Variants in GRID2 observed in about 807,000 individuals in gnomAD.
The protein encoded by GRID2 is glutamate receptor ionotropic, delta-2.
A neutral mutation model predicts 114.8 loss-of-function variants in GRID2; 33 were observed. That is an observed-to-expected ratio of 0.29 (90% CI 0.22 to 0.38). The LOEUF is 0.38. Among genes scored for constraint, GRID2 ranks in the 10% least tolerant of loss-of-function variants. The probability of loss-of-function intolerance (pLI) is 1.00; values close to 1 mark genes in which losing one functional copy is unlikely to be tolerated. For missense variants in GRID2, 1,184 were observed against 1,257.7 expected (o/e 0.94, Z 0.89); for synonymous variants, 505 against 449.9 (o/e 1.12, Z -1.55).
chr4:92,901,667 T>C (rs1361700510), intron 2 of GRID2, among the ~76,000 whole-genome samples: 2 of 152,220 alleles, frequency 1.3e-5, no homozygotes, highest in East Asian at 3.8e-4. Flanking sequence ...TCACATTTAT[T>C]GATTTGTATA....
chr4:92,380,152 CT>C (rs145161440), intron 1 of GRID2, among the ~76,000 whole-genome samples: 4,647 of 150,898 alleles, frequency 0.031, 229 homozygotes, highest in African/African-American at 0.11. Context: ...AGCATTTTTA[CT>C]TTTTTTTTGT....
At chr4:93,001,056 T>A (rs992631647) in intron 2 of GRID2, among the ~76,000 whole-genome samples, 1 of 151,674 alleles carries the variant, frequency 6.6e-6, no homozygotes, top group South Asian at 2.1e-4. Context: ...ATGATTTTGC[T>A]AGTAATTAAA....
chr4:93,608,296 C>CTTTTTTTTTTTTTTATTTTTTTTT (rs774334616), intron 13 of GRID2, among the ~76,000 whole-genome samples: 2 of 117,012 alleles, frequency 1.7e-5, no homozygotes, highest in Non-Finnish European at 3.4e-5. Context: ...ATTTTTTTTT[C>CTTTTTTTTTTTTTTATTTTTTTTT]TTTTTTTTTT....
At chr4:92,726,605 T>C (rs913879063) in intron 2 of GRID2, among the ~76,000 whole-genome samples, 1 of 152,076 alleles carries the variant, frequency 6.6e-6, no homozygotes, top group Non-Finnish European at 1.5e-5. Context: ...TTTGAAGCTG[T>C]AGTGAAAAAA....
chr4:92,743,464 AAGAC>A (rs573785955), intron 2 of GRID2, among the ~76,000 whole-genome samples: 63 of 152,334 alleles, frequency 4.1e-4, no homozygotes, highest in Admixed American at 1.4e-3. Flanking sequence ...TAAATTTAGA[AAGAC>A]AGAGTTGACA....
chr4:92,983,836 G>A (rs1466778136), intron 2 of GRID2, among the ~76,000 whole-genome samples: 1 of 152,070 alleles, frequency 6.6e-6, no homozygotes, highest in Non-Finnish European at 1.5e-5. Context: ...TTTACTGTCA[G>A]AACTCTGTAT....
chr4:93,693,946 G>A (rs1726789238), intron 14 of GRID2, among the ~76,000 whole-genome samples: 1 of 152,078 alleles, frequency 6.6e-6, no homozygotes, highest in Non-Finnish European at 1.5e-5. Context: ...AATCAAGACA[G>A]GAAATGTGAT....
chr4:92,885,951 T>C (rs2149463163), intron 2 of GRID2, among the ~76,000 whole-genome samples: 1 of 152,312 alleles, frequency 6.6e-6, no homozygotes, highest in South Asian at 2.1e-4. Flanking sequence ...TATTTCTTTG[T>C]TTTTTAAGAA....
intron 2 of GRID2, among the ~76,000 whole-genome samples, chr4:92,919,515 T>A (rs1157091118): frequency 3.3e-5 from 5 of 152,244 alleles, no homozygotes; most frequent in African/African-American, 9.6e-5. Context: ...CTCTACACAC[T>A]GCTTTGAATG....
chr4:92,999,292 A>C (rs2149214831), intron 2 of GRID2, among the ~76,000 whole-genome samples: 1 of 151,890 alleles, frequency 6.6e-6, no homozygotes, highest in East Asian at 1.9e-4. Context: ...TTTATTAATT[A>C]ATTTATCAAA....
At chr4:92,745,637 T>G (rs1391421182) in intron 2 of GRID2, among the ~76,000 whole-genome samples, 1 of 152,130 alleles carries the variant, frequency 6.6e-6, no homozygotes, top group Non-Finnish European at 1.5e-5. Flanking sequence ...TTAGTTTAAT[T>G]TTTTTCAGTA....
chr4:93,794,878 T>G (rs1410456353), intron 1 of GRID2, among the ~76,000 whole-genome samples: 1 of 152,188 alleles, frequency 6.6e-6, no homozygotes. Flanking sequence ...ATGAAAAGAT[T>G]GTGAGAGGCA....
At chr4:93,608,970 C>T (rs1271158513) in intron 13 of GRID2, among the ~76,000 whole-genome samples, 2 of 119,744 alleles carry the variant, frequency 1.7e-5, no homozygotes, top group Admixed American at 8.3e-5. Context: ...CTCTCCAGCA[C>T]CTGTTGTTTC....
At chr4:92,653,517 T>C (rs1732078328) in intron 2 of GRID2, among the ~76,000 whole-genome samples, 1 of 151,990 alleles carries the variant, frequency 6.6e-6, no homozygotes, top group African/African-American at 2.4e-5. Context: ...CCCTATTATC[T>C]TGGGCACATT....
chr4:93,244,529 T>C lies in GRID2; in HGVS notation c.1245+6039T>C, dbSNP rs528941891. ...TTATATAATCTATTAATTAATAGAT[T>C]ATATAATCTATTAATTAATAGATTA... On this transcript the variant is annotated intron_variant, in intron 8 of 15. Transcript: ENST00000282020. Among the ~76,000 whole-genome samples, 18 of 26,958 alleles carry C rather than the reference T, an allele frequency of 6.7e-4. 1 individual carries two copies. Among genetic ancestry groups the C allele is most frequent in the African/African-American group, 4.0e-3 (17 of 4,240 alleles). The allele number at this position is 26,958 out of a possible 152,430, so 17.7% of individuals were successfully genotyped here.
intron 2 of GRID2, among the ~76,000 whole-genome samples, chr4:92,983,505 A>C (rs1734567225): frequency 6.6e-6 from 1 of 152,132 alleles, no homozygotes; most frequent in African/African-American, 2.4e-5. Context: ...ATGCATTTAC[A>C]TCATTTGACA....
chr4:93,783,865 G>T (rs1355173122), intron 1 of GRID2, among the ~76,000 whole-genome samples: 1 of 151,638 alleles, frequency 6.6e-6, no homozygotes, highest in Non-Finnish European at 1.5e-5. Flanking sequence ...GAGGTCAGGA[G>T]ATCGAGACCA....
At chr4:92,797,657 A>G (rs78085652) in intron 2 of GRID2, among the ~76,000 whole-genome samples, 3,476 of 152,028 alleles carry the variant, frequency 0.023, 97 homozygotes, top group East Asian at 0.12. Context: ...GTATCTTTAT[A>G]TTTTATGCAT....
intron 2 of GRID2, among the ~76,000 whole-genome samples, chr4:92,956,829 G>A (rs753555865): frequency 1.1e-4 from 17 of 152,102 alleles, no homozygotes; most frequent in Admixed American, 5.9e-4. Context: ...TATTATCAGC[G>A]TTCTGGATTT....
Sources: gnomAD v4.1 joint callset for allele counts (sites outside exome capture counted in the v4.1 genomes callset) on GRCh38, gnomAD v4.1.1 for gene constraint, MANE v1.5 for transcripts, NCBI Gene and HGNC (gene_info 2026-07-23, HGNC 2026-07-21) for gene names.